Variants in EIPR1 observed in about 807,000 individuals in gnomAD.
EIPR1 encodes EARP and GARP complex-interacting protein 1.
In EIPR1, 25 loss-of-function variants were observed where a neutral mutation model predicts 48.1. The ratio of observed to expected loss-of-function variants is 0.52; its 90% CI spans 0.38 to 0.73. The LOEUF is 0.73. Among genes scored for constraint, EIPR1 ranks in the 30% least tolerant of loss-of-function variants. The pLI, the probability that EIPR1 is intolerant of heterozygous loss-of-function variation, is 0.00. For synonymous variants in EIPR1, 204 were observed against 201.9 expected (o/e 1.01, Z -0.09); for missense variants, 415 against 506.2 (o/e 0.82, Z 1.73).
chr2:3,365,365 G>C (rs1003045675), intron 1 of EIPR1, among the ~76,000 whole-genome samples: 1 of 152,154 alleles, frequency 6.6e-6, no homozygotes, highest in African/African-American at 2.4e-5. Flanking sequence ...TCGGCTACTT[G>C]GGAGGCTGAA....
chr2:3,318,027 CG>C (rs1212708501), intron 3 of EIPR1, among the ~76,000 whole-genome samples: 2 of 152,234 alleles, frequency 1.3e-5, no homozygotes, highest in African/African-American at 4.8e-5. Flanking sequence ...GCACTTCGGA[CG>C]GGGCATCATC....
chr2:3,196,832 C>T lies in EIPR1; in HGVS notation c.653+49G>A, dbSNP rs374377425. 5.6e-5 allele frequency: 90 copies of T among 1,602,288 alleles called. No individual in the cohort carries two copies. The Middle Eastern group carries it at 6.6e-4, about 12-fold the overall frequency. ...GCTCCACCATCATCCCGGTTCTGCT[C>T]GGTGAGGGAGGAAAGGAAGTGGGGC... On this transcript the variant is annotated intron_variant, in intron 6 of 8. Coordinates refer to ENST00000382125, the MANE Select transcript of EIPR1 (RefSeq NM_003310.5).
chr2:3,190,122 C>T (rs1664553398), intron 8 of EIPR1, among the ~76,000 whole-genome samples: 1 of 152,098 alleles, frequency 6.6e-6, no homozygotes, highest in African/African-American at 2.4e-5. Context: ...TCCCACCTCG[C>T]CTCCCTTGAC....
At chr2:3,352,787 A>G (rs541051117) in intron 2 of EIPR1, among the ~76,000 whole-genome samples, 1 of 152,360 alleles carries the variant, frequency 6.6e-6, no homozygotes, top group East Asian at 1.9e-4. Context: ...ACCTGAGGTC[A>G]GGAGTTTGAG....
At chr2:3,350,961 A>AAC (rs1553304806) in intron 2 of EIPR1, among the ~76,000 whole-genome samples, 1 of 151,040 alleles carries the variant, frequency 6.6e-6, no homozygotes, top group African/African-American at 2.4e-5. Flanking sequence ...AAAAAAAAAA[A>AAC]ACAAATTAAG....
chr2:3,326,287 C>A (rs756639612), intron 3 of EIPR1, among the ~76,000 whole-genome samples: 2 of 152,182 alleles, frequency 1.3e-5, no homozygotes, highest in Non-Finnish European at 2.9e-5. Flanking sequence ...GCCCATTTTA[C>A]AGATGAACGC....
chr2:3,311,658 G>A (rs996405039), intron 3 of EIPR1, among the ~76,000 whole-genome samples: 2 of 152,218 alleles, frequency 1.3e-5, no homozygotes, highest in African/African-American at 4.8e-5. Flanking sequence ...AGGGCATGAG[G>A]TGGTGTCTGC....
At chr2:3,269,164 C>G (rs894879916) in intron 3 of EIPR1, among the ~76,000 whole-genome samples, 2 of 152,252 alleles carry the variant, frequency 1.3e-5, no homozygotes, top group African/African-American at 4.8e-5. Context: ...GATCATCAAG[C>G]CTTAAGCACA....
chr2:3,221,736 TCTAGAACATTCA>T lies in EIPR1; in HGVS notation c.417-7500_417-7489del, dbSNP rs1464503807. ...CACGCACACAATGGCCAAGATACAC[TCTAGAACATTCA>T]CAGTGAGTCGGGAACACATGCACAC... On this transcript the variant is annotated intron_variant, in intron 4 of 8. Transcript: ENST00000382125. 3.2e-4 allele frequency among the ~76,000 whole-genome samples: 19 copies of T among 58,746 alleles called. 4 individuals are homozygous for T. In the South Asian group the frequency reaches 6.7e-3, roughly 21 times the overall value. The allele number at this position is 58,746 out of a possible 152,430, so 38.5% of individuals were successfully genotyped here.
At chr2:3,367,127 C>T (rs934220886) in intron 1 of EIPR1, among the ~76,000 whole-genome samples, 1 of 145,514 alleles carries the variant, frequency 6.9e-6, no homozygotes, top group Admixed American at 6.8e-5. Context: ...AAAAAGGGAA[C>T]AACCTAAAAG....
At chr2:3,217,737 T>A (rs1190129808) in intron 4 of EIPR1, among the ~76,000 whole-genome samples, 1 of 151,740 alleles carries the variant, frequency 6.6e-6, no homozygotes, top group East Asian at 1.9e-4. Flanking sequence ...AAACCACGCA[T>A]CACAAAAAGG....
At chr2:3,196,744 A>G in intron 6 of EIPR1, 137 bp downstream of exon 6, 2 of 1,311,278 alleles carry the variant, frequency 1.5e-6, no homozygotes, top group Middle Eastern at 2.6e-4. Context: ...AAGATTTATG[A>G]TTTCCTACAA....
In EIPR1 at chr2:3,377,535, G is replaced by C; in HGVS notation, c.42+113C>G. On this transcript the variant is annotated intron_variant, in intron 1 of 8. Coordinates refer to ENST00000382125, the MANE Select transcript of EIPR1 (RefSeq NM_003310.5). ...TCTGCAAAATGGGAACTAGGGAACA[G>C]ACACGGGTCCTTGCAGGGCTGGTGG... 4 of 1,357,242 alleles carry C rather than the reference G, an allele frequency of 2.9e-6. No individual in the cohort carries two copies. In the South Asian group the frequency reaches 4.0e-5, roughly 13 times the overall value. 84.1% of individuals were successfully genotyped at this position (1,357,242 alleles called of 1,614,324 possible).
chr2:3,274,509 T>C, intron 3 of EIPR1: 1 of 1,432,642 alleles, frequency 7.0e-7, no homozygotes, highest in Non-Finnish European at 9.2e-7. Context: ...GAGACCCTAC[T>C]TGGGGTATAA....
chr2:3,289,515 T>C (rs1668303387), intron 3 of EIPR1, among the ~76,000 whole-genome samples: 1 of 152,174 alleles, frequency 6.6e-6, no homozygotes. Context: ...ACCAGCCTCC[T>C]GGCCTTCCGC....
rs1664651721 is a variant in EIPR1 at position 3,192,705 on chromosome 2, C to T, written c.822-124G>A. ...ACGTTAGGCACTGCCAGGCAATCGGCCCCCAGTCACAGGGCCTGACATAAG... is the reference window on the plus strand; with the variant it reads ...ACGTTAGGCACTGCCAGGCAATCGGTCCCCAGTCACAGGGCCTGACATAAG... On this transcript the variant is annotated intron_variant, in intron 7 of 8. Coordinates refer to ENST00000382125, the MANE Select transcript of EIPR1 (RefSeq NM_003310.5). The T allele has an allele frequency of 4.3e-6, 4 of 939,104 alleles. No individual in the cohort carries two copies. The South Asian group carries it at 6.5e-5, about 15-fold the overall frequency. 58.2% of individuals were successfully genotyped at this position (939,104 alleles called of 1,614,324 possible).
intron 6 of EIPR1, among the ~76,000 whole-genome samples, chr2:3,196,385 C>G (rs1664807677): frequency 6.6e-6 from 1 of 152,194 alleles, no homozygotes; most frequent in African/African-American, 2.4e-5. Flanking sequence ...GAACGGAAAA[C>G]TCGCTCTTAT....
chr2:3,253,607 G>A (rs1667067996), intron 4 of EIPR1, among the ~76,000 whole-genome samples: 1 of 152,214 alleles, frequency 6.6e-6, no homozygotes, highest in Non-Finnish European at 1.5e-5. Context: ...ACCGGACTCA[G>A]TACTTCCCAG....
chr2:3,222,017 A>G (rs144914616), intron 4 of EIPR1, among the ~76,000 whole-genome samples: 1 of 152,042 alleles, frequency 6.6e-6, no homozygotes, highest in African/African-American at 2.4e-5. Context: ...TTCACAAGAC[A>G]CTTATGTATG....
Sources: gnomAD v4.1 joint callset for allele counts (sites outside exome capture counted in the v4.1 genomes callset) on GRCh38, gnomAD v4.1.1 for gene constraint, MANE v1.5 for transcripts, NCBI Gene and HGNC (gene_info 2026-07-23, HGNC 2026-07-21) for gene names.